SNX18: variants seen among roughly 807,000 people sequenced by gnomAD.
SNX18 encodes sorting nexin-18.
In SNX18, 35 loss-of-function variants were observed where a neutral mutation model predicts 48.7. That is an observed-to-expected ratio of 0.72 (90% CI 0.55 to 0.95). The LOEUF is 0.95. SNX18 is among the 40% of genes least tolerant of loss of function. The pLI is 0.00. For synonymous variants in SNX18, 492 were observed against 384.7 expected (o/e 1.28, Z -3.26); for missense variants, 824 against 871.0 (o/e 0.95, Z 0.68).
the SNX18 span, among the ~76,000 whole-genome samples, chr5:54,578,956 T>C: frequency 6.6e-6 from 1 of 152,216 alleles, no homozygotes; most frequent in African/African-American, 2.4e-5. Context: ...ACACCTACAC[T>C]TATTGGATAG....
the SNX18 span, among the ~76,000 whole-genome samples, chr5:54,559,812 C>A: frequency 6.6e-6 from 1 of 152,138 alleles, no homozygotes; most frequent in Non-Finnish European, 1.5e-5. Flanking sequence ...AACTATATAA[C>A]TGACAAAGGT....
intron 1 of SNX18, chr5:54,519,930 G>A: frequency 9.7e-7 from 1 of 1,026,860 alleles, no homozygotes; most frequent in Non-Finnish European, 1.4e-6. Flanking sequence ...TTAGGTATCT[G>A]TTTGAACACT....
At chr5:54,620,827 C>G in the SNX18 span, among the ~76,000 whole-genome samples, 1 of 152,188 alleles carries the variant, frequency 6.6e-6, no homozygotes, top group Non-Finnish European at 1.5e-5. Flanking sequence ...CAGGTGGCCA[C>G]CTCACTGTGT....
In SNX18 at chr5:54,518,742, C is replaced by T. The variant is rs1761938753; in HGVS notation, c.790C>T (p.Pro264Ser). The T allele has an allele frequency of 4.4e-6, 7 of 1,605,648 alleles. No individual in the cohort carries two copies. Among genetic ancestry groups the T allele is most frequent in the Non-Finnish European group, 6.0e-6 (7 of 1,175,758 alleles). The change falls in exon 1 of 2, where the codon CCC (proline) becomes TCC (serine). Residue 264 changes from proline (P) to serine (S), a missense_variant. Pro to Ser is a moderately conservative substitution (Grantham distance 74). Transcript: ENST00000381410. ...GGACAAGCTGTGCGTGGTGCTGGGGCCCTATGGCCCCGAGTGGCAGGAGAA... is the reference window on the plus strand; with the variant it reads ...GGACAAGCTGTGCGTGGTGCTGGGGTCCTATGGCCCCGAGTGGCAGGAGAA... ...DGDKLCVVLG[P>S]YGPEWQENPY... is the part of the protein sequence containing the mutation.
the SNX18 span, among the ~76,000 whole-genome samples, chr5:54,629,236 G>C: frequency 3.9e-5 from 6 of 152,336 alleles, no homozygotes; most frequent in South Asian, 4.1e-4. Context: ...ATCAGGGTAT[G>C]ATCACAGCTA....
the SNX18 span, among the ~76,000 whole-genome samples, chr5:54,572,750 GTGTGTATATA>G: frequency 4.8e-5 from 2 of 41,472 alleles, no homozygotes; most frequent in Non-Finnish European, 1.0e-4. Context: ...GTGTGTGTGT[GTGTGTATATA>G]TATATATATA....
the SNX18 span, among the ~76,000 whole-genome samples, chr5:54,579,010 C>A: frequency 6.6e-6 from 1 of 152,106 alleles, no homozygotes; most frequent in Non-Finnish European, 1.5e-5. Context: ...GTTTGTTCAT[C>A]TTTCCTAACT....
At chr5:54,614,470 T>C in the SNX18 span, among the ~76,000 whole-genome samples, 4 of 152,152 alleles carry the variant, frequency 2.6e-5, no homozygotes, top group African/African-American at 9.7e-5. Flanking sequence ...TTGTATAATA[T>C]ACATGTTCTT....
the SNX18 span, among the ~76,000 whole-genome samples, chr5:54,579,662 A>G: frequency 6.6e-6 from 1 of 152,192 alleles, no homozygotes. Context: ...AGAAGTACAC[A>G]TGTGAGGCTT....
At chr5:54,522,827 C>A (rs1465311745) in intron 1 of SNX18, among the ~76,000 whole-genome samples, 1 of 152,152 alleles carries the variant, frequency 6.6e-6, no homozygotes, top group African/African-American at 2.4e-5. Flanking sequence ...TGAACCCATT[C>A]TTTAAACTAA....
At chr5:54,584,996 A>G in the SNX18 span, among the ~76,000 whole-genome samples, 1 of 152,200 alleles carries the variant, frequency 6.6e-6, no homozygotes, top group Admixed American at 6.5e-5. Flanking sequence ...AGAAGGTCAA[A>G]AGGTAGGATC....
At chr5:54,614,496 G>A in the SNX18 span, among the ~76,000 whole-genome samples, 11 of 152,126 alleles carry the variant, frequency 7.2e-5, no homozygotes, top group African/African-American at 2.2e-4. Context: ...GAATTCATAA[G>A]CAAGGAAAAA....
chr5:54,614,867 T>A, the SNX18 span, among the ~76,000 whole-genome samples: 2 of 152,210 alleles, frequency 1.3e-5, no homozygotes, highest in Admixed American at 6.5e-5. Context: ...TTCCAGGTAC[T>A]GTCTTAAGCA....
chr5:54,572,935 C>T, the SNX18 span, among the ~76,000 whole-genome samples: 1 of 150,836 alleles, frequency 6.6e-6, no homozygotes, highest in African/African-American at 2.4e-5. Flanking sequence ...GTTTGAACAA[C>T]AGCGACTCCA....
At chr5:54,616,915 C>G in the SNX18 span, among the ~76,000 whole-genome samples, 1 of 152,188 alleles carries the variant, frequency 6.6e-6, no homozygotes, top group Non-Finnish European at 1.5e-5. Flanking sequence ...TGTGCTGGGA[C>G]AAGCCAATGG....
the SNX18 span, among the ~76,000 whole-genome samples, chr5:54,593,906 TA>T: frequency 6.6e-6 from 1 of 152,176 alleles, no homozygotes; most frequent in Admixed American, 6.5e-5. Flanking sequence ...GACCTAATGA[TA>T]AGAGTTAAAA....
chr5:54,588,548 C>T, the SNX18 span, among the ~76,000 whole-genome samples: 1 of 151,912 alleles, frequency 6.6e-6, no homozygotes, highest in South Asian at 2.1e-4. Context: ...AGGATGGTCT[C>T]GATCTCCTGA....
intron 1 of SNX18, among the ~76,000 whole-genome samples, chr5:54,542,536 A>G (rs1404623819): frequency 1.1e-4 from 16 of 152,242 alleles, no homozygotes. Context: ...TGTGCTGAGC[A>G]CTTCAGCTAG....
the SNX18 span, among the ~76,000 whole-genome samples, chr5:54,628,517 C>T: frequency 6.6e-6 from 1 of 152,136 alleles, no homozygotes; most frequent in Admixed American, 6.5e-5. Flanking sequence ...TCACCCCCAC[C>T]TCTTCACCCT....
Sources: gnomAD v4.1 joint callset for allele counts (sites outside exome capture counted in the v4.1 genomes callset) on GRCh38, gnomAD v4.1.1 for gene constraint, MANE v1.5 for transcripts, NCBI Gene and HGNC (gene_info 2026-07-23, HGNC 2026-07-21) for gene names.